Variants in SLIT3 observed in about 807,000 individuals in gnomAD.
SLIT3 encodes slit homolog 3 protein.
SLIT3 carries 68 observed loss-of-function variants against 184.0 expected under a neutral mutation model. The observed-to-expected ratio is 0.37, with a 90% CI of 0.30 to 0.45. SLIT3 has a LOEUF of 0.45. SLIT3 is among the 20% of genes least tolerant of loss of function. The pLI is 1.00. For missense variants in SLIT3, 1,707 were observed against 2,026.0 expected (o/e 0.84, Z 3.02); for synonymous variants, 831 against 828.6 (o/e 1.00, Z -0.05).
At chr5:168,960,032 C>T (rs1164742549) in intron 4 of SLIT3, among the ~76,000 whole-genome samples, 2 of 152,208 alleles carry the variant, frequency 1.3e-5, no homozygotes, top group African/African-American at 4.8e-5. Flanking sequence ...AGGCAGGCTC[C>T]AGAGTCCTGA....
chr5:168,892,307 C>T (rs1035274914), intron 4 of SLIT3, among the ~76,000 whole-genome samples: 33 of 151,816 alleles, frequency 2.2e-4, no homozygotes, highest in Non-Finnish European at 3.5e-4. Flanking sequence ...GTGTATTTTA[C>T]ACACACCTCA....
chr5:169,093,668 T>TA (rs780284840), intron 4 of SLIT3, among the ~76,000 whole-genome samples: 9 of 152,212 alleles, frequency 5.9e-5, no homozygotes, highest in African/African-American at 2.2e-4. Flanking sequence ...AGTAATATAT[T>TA]ATTGTTAGAA....
rs66498923 is a variant in SLIT3 at position 168,994,623 on chromosome 5, C to CTTTTTTTTTTTTTTTTT, written c.414-111304_414-111288dup. On this transcript the variant is annotated intron_variant, in intron 4 of 35. Coordinates refer to ENST00000519560, the MANE Select transcript of SLIT3 (RefSeq NM_003062.4). ...ACATGTACCAGTGTCTGGCATTCTA[C>CTTTTTTTTTTTTTTTTT]TTTTTTTTTTTTTTTTTTTTTTTTT... is the stretch of plus-strand genomic sequence containing the variant. 1.3e-4 allele frequency among the ~76,000 whole-genome samples: 6 copies of CTTTTTTTTTTTTTTTTT among 47,100 alleles called. 2 individuals are homozygous for CTTTTTTTTTTTTTTTTT. Among genetic ancestry groups the CTTTTTTTTTTTTTTTTT allele is most frequent in the Non-Finnish European group, 1.8e-4 (5 of 27,044 alleles). 30.9% of individuals were successfully genotyped at this position (47,100 alleles called of 152,430 possible). A position where few individuals can be genotyped will look rare whatever the true frequency, so the allele number is the denominator to read the frequency against.
At chr5:168,770,942 G>A (rs988312132) in intron 14 of SLIT3, among the ~76,000 whole-genome samples, 92 of 150,324 alleles carry the variant, frequency 6.1e-4, no homozygotes, top group African/African-American at 2.2e-3. Context: ...TGCCAAGACT[G>A]TGTTCCTGGG....
At chr5:169,072,130 T>C (rs1269330281) in intron 4 of SLIT3, among the ~76,000 whole-genome samples, 1 of 152,018 alleles carries the variant, frequency 6.6e-6, no homozygotes, top group Non-Finnish European at 1.5e-5. Context: ...TTGCATCAAA[T>C]AGAGGGGTCT....
chr5:168,986,103 T>C (rs1332028476), intron 4 of SLIT3, among the ~76,000 whole-genome samples: 4 of 152,212 alleles, frequency 2.6e-5, no homozygotes, highest in Non-Finnish European at 4.4e-5. Flanking sequence ...AAAAGGCATA[T>C]GCATTCAGTT....
At chr5:169,123,108 A>C (rs531395640) in intron 4 of SLIT3, among the ~76,000 whole-genome samples, 3 of 152,288 alleles carry the variant, frequency 2.0e-5, no homozygotes, top group Admixed American at 6.5e-5. Flanking sequence ...TAAAAAAAAA[A>C]CTGCACCAAA....
intron 1 of SLIT3, among the ~76,000 whole-genome samples, chr5:169,267,646 T>G (rs963921412): frequency 1.3e-5 from 2 of 152,190 alleles, no homozygotes; most frequent in Admixed American, 1.3e-4. Flanking sequence ...AAAGGGGAAG[T>G]CATTAATAAT....
chr5:168,783,094 G>C (rs1470598342), intron 12 of SLIT3, among the ~76,000 whole-genome samples: 1 of 152,186 alleles, frequency 6.6e-6, no homozygotes, highest in Non-Finnish European at 1.5e-5. Context: ...GCGTGCATGA[G>C]AGGGATTCTT....
intron 12 of SLIT3, among the ~76,000 whole-genome samples, chr5:168,778,434 C>T (rs571903543): frequency 1.4e-4 from 22 of 152,280 alleles, no homozygotes; most frequent in Admixed American, 5.9e-4. Flanking sequence ...CTTCACTGTA[C>T]CTGGGTATGC....
At chr5:168,858,267 AG>A (rs1428855256) in intron 5 of SLIT3, among the ~76,000 whole-genome samples, 3 of 152,032 alleles carry the variant, frequency 2.0e-5, no homozygotes, top group Non-Finnish European at 2.9e-5. Context: ...GGGACATGCA[AG>A]GGCAGAGAAT....
intron 20 of SLIT3, among the ~76,000 whole-genome samples, chr5:168,735,931 C>T (rs1763423069): frequency 6.6e-6 from 1 of 152,146 alleles, no homozygotes; most frequent in Non-Finnish European, 1.5e-5. Flanking sequence ...CTTTGTCATC[C>T]TATTTGCTCC....
At chr5:168,952,953 G>A (rs541176594) in intron 4 of SLIT3, among the ~76,000 whole-genome samples, 3 of 152,286 alleles carry the variant, frequency 2.0e-5, no homozygotes, top group Non-Finnish European at 4.4e-5. Flanking sequence ...ACACACATCA[G>A]GGGTGAAGGG....
At chr5:169,267,467 A>T (rs1217479355) in intron 1 of SLIT3, among the ~76,000 whole-genome samples, 3 of 152,208 alleles carry the variant, frequency 2.0e-5, no homozygotes, top group African/African-American at 7.2e-5. Context: ...TGAATGACTG[A>T]TGTTAACTTG....
intron 5 of SLIT3, among the ~76,000 whole-genome samples, chr5:168,850,011 T>C (rs1298471742): frequency 2.6e-5 from 4 of 152,106 alleles, no homozygotes; most frequent in Non-Finnish European, 4.4e-5. Flanking sequence ...TTCTAAAAAA[T>C]CATTATTGAA....
intron 4 of SLIT3, among the ~76,000 whole-genome samples, chr5:169,040,431 C>T (rs1757409031): frequency 6.6e-6 from 1 of 152,114 alleles, no homozygotes; most frequent in South Asian, 2.1e-4. Context: ...GAAAGAAGAG[C>T]CCTTGCTTCA....
intron 4 of SLIT3, among the ~76,000 whole-genome samples, chr5:168,963,643 G>A (rs556302498): frequency 3.3e-4 from 51 of 152,350 alleles, no homozygotes; most frequent in African/African-American, 1.2e-3. Context: ...CAGAGACTAA[G>A]CCTTGCTTGT....
chr5:168,811,311 C>G (rs574045458), intron 8 of SLIT3, among the ~76,000 whole-genome samples: 1 of 152,322 alleles, frequency 6.6e-6, no homozygotes, highest in East Asian at 1.9e-4. Flanking sequence ...ACTTGATCCT[C>G]ATAAAACCCA....
chr5:168,797,058 G>C (rs1013447536), intron 9 of SLIT3, among the ~76,000 whole-genome samples: 5 of 152,132 alleles, frequency 3.3e-5, no homozygotes, highest in Admixed American at 2.6e-4. Flanking sequence ...CCTGCTGGAG[G>C]GGGGCGGGGA....
Sources: allele counts gnomAD v4.1 joint callset (sites outside exome capture counted in the v4.1 genomes callset), GRCh38; gene constraint gnomAD v4.1.1; transcripts MANE v1.5; gene names NCBI Gene and HGNC (gene_info 2026-07-23, HGNC 2026-07-21).